SUPT3H: variants seen among roughly 807,000 people sequenced by gnomAD.
SUPT3H encodes the protein transcription initiation protein SPT3 homolog.
A neutral mutation model predicts 44.3 loss-of-function variants in SUPT3H; 44 were observed. The ratio of observed to expected loss-of-function variants is 0.99; its 90% confidence interval spans 0.78 to 1.28. The LOEUF (loss-of-function observed/expected upper bound fraction) is 1.28, where lower values mean the gene tolerates loss of function less well. Ranked by LOEUF, SUPT3H falls within the 50% of genes most tolerant of loss-of-function variation. The pLI, the probability that SUPT3H is intolerant of heterozygous loss-of-function variation, is 0.00. For synonymous variants in SUPT3H, 124 were observed against 125.6 expected (o/e 0.99, Z 0.09); for missense variants, 380 against 387.1 (o/e 0.98, Z 0.15).
intron 2 of SUPT3H, among the ~76,000 whole-genome samples, chr6:45,287,129 T>TA (rs1779439779): frequency 6.6e-6 from 1 of 151,966 alleles, no homozygotes; most frequent in African/African-American, 2.4e-5. Flanking sequence ...CATTAGGAGA[T>TA]ATACCTAATG....
At chr6:45,122,876 T>TG (rs1801871891) in intron 2 of SUPT3H, among the ~76,000 whole-genome samples, 1 of 152,148 alleles carries the variant, frequency 6.6e-6, no homozygotes, top group African/African-American at 2.4e-5. Flanking sequence ...ACACTGAAAA[T>TG]GAAAGGTGGA....
chr6:45,377,118 C>T (rs1193461555), intron 1 of SUPT3H, among the ~76,000 whole-genome samples: 2 of 152,060 alleles, frequency 1.3e-5, no homozygotes, highest in Non-Finnish European at 2.9e-5. Flanking sequence ...ATTCTGAACT[C>T]CTAAAACGTG....
chr6:44,952,532 G>A (rs995716735), intron 9 of SUPT3H, among the ~76,000 whole-genome samples: 9 of 152,136 alleles, frequency 5.9e-5, no homozygotes, highest in African/African-American at 1.4e-4. Context: ...GATCCAAAAC[G>A]TACTTCACAA....
downstream of SUPT3H, among the ~76,000 whole-genome samples, chr6:44,823,678 C>T (rs2153406411): frequency 6.6e-6 from 1 of 152,208 alleles, no homozygotes. Flanking sequence ...AACTGCTTGG[C>T]TGGCCAGGCA....
rs114926634 is a variant in SUPT3H, at chr6:45,273,294, G to A, written c.101+91907C>T. Among the ~76,000 whole-genome samples, 1,424 of 152,088 alleles carry A rather than the reference G, an allele frequency of 9.4e-3. 22 individuals carry two copies. Among genetic ancestry groups the A allele is most frequent in the African/African-American group, 0.033 (1,359 of 41,488 alleles). On this transcript the variant is annotated intron_variant, in intron 2 of 10. Coordinates refer to ENST00000371459, the MANE Select transcript of SUPT3H (RefSeq NM_003599.4). ...CCGCTGCTGTGGGTTTCACAGCATC[G>A]CCTCATCCCTTCATGAAATGAGACG...
intron 2 of SUPT3H, among the ~76,000 whole-genome samples, chr6:45,286,403 A>AAAAAC (rs1779279232): frequency 6.6e-6 from 1 of 151,272 alleles, no homozygotes; most frequent in Admixed American, 6.6e-5. Flanking sequence ...TTTACAAGAA[A>AAAAAC]AAACAACCCC....
At chr6:45,076,736 A>C (rs1161761788) in intron 3 of SUPT3H, among the ~76,000 whole-genome samples, 1 of 152,172 alleles carries the variant, frequency 6.6e-6, no homozygotes, top group Non-Finnish European at 1.5e-5. Context: ...CTACTGAGTA[A>C]CACTAATGAT....
chr6:45,183,335 C>T (rs546778981), intron 2 of SUPT3H, among the ~76,000 whole-genome samples: 15 of 152,140 alleles, frequency 9.9e-5, no homozygotes, highest in East Asian at 3.9e-4. Flanking sequence ...AAAGTAACTG[C>T]GGAATGTATA....
intron 2 of SUPT3H, among the ~76,000 whole-genome samples, chr6:45,206,969 G>T (rs1314373043): frequency 1.3e-5 from 2 of 152,230 alleles, no homozygotes; most frequent in Middle Eastern, 3.4e-3. Context: ...GCTCTATGTG[G>T]AGTAGTCAGA....
chr6:45,154,393 A>G (rs557689027), intron 2 of SUPT3H, among the ~76,000 whole-genome samples: 1 of 152,306 alleles, frequency 6.6e-6, no homozygotes, highest in East Asian at 1.9e-4. Context: ...AAGGTATCTT[A>G]TGCCAGTGTT....
chr6:45,156,285 T>A (rs1807805961), intron 2 of SUPT3H, among the ~76,000 whole-genome samples: 2 of 152,190 alleles, frequency 1.3e-5, no homozygotes, highest in Admixed American at 1.3e-4. Context: ...CTGGTTTTAC[T>A]CTTATCACAG....
intron 2 of SUPT3H, among the ~76,000 whole-genome samples, chr6:45,236,744 C>G (rs1280053915): frequency 2.0e-5 from 3 of 150,682 alleles, no homozygotes; most frequent in Admixed American, 2.0e-4. Context: ...GAATACACCC[C>G]CCGAGATCAA....
intron 2 of SUPT3H, among the ~76,000 whole-genome samples, chr6:45,334,753 T>C (rs907429973): frequency 1.1e-4 from 17 of 150,702 alleles, no homozygotes; most frequent in Non-Finnish European, 1.9e-4. Context: ...ATAATGATTA[T>C]AAACCAGGAA....
At chr6:45,182,136 G>A (rs1813368101) in intron 2 of SUPT3H, among the ~76,000 whole-genome samples, 1 of 152,112 alleles carries the variant, frequency 6.6e-6, no homozygotes, top group African/African-American at 2.4e-5. Context: ...AATAGAAGGA[G>A]CTGATGCCTG....
At chr6:45,229,306 T>C (rs1318147317) in intron 2 of SUPT3H, among the ~76,000 whole-genome samples, 1 of 152,144 alleles carries the variant, frequency 6.6e-6, no homozygotes, top group Non-Finnish European at 1.5e-5. Context: ...GTTATGTCTT[T>C]AAACTCATTC....
chr6:45,176,063 G>C (rs1236158875), intron 2 of SUPT3H, among the ~76,000 whole-genome samples: 2 of 152,092 alleles, frequency 1.3e-5, no homozygotes, highest in Non-Finnish European at 2.9e-5. Flanking sequence ...TATATCTTGG[G>C]GGGAGGAGCC....
chr6:44,949,874 C>G (rs557261337), intron 9 of SUPT3H, among the ~76,000 whole-genome samples: 1 of 152,320 alleles, frequency 6.6e-6, no homozygotes, highest in African/African-American at 2.4e-5. Flanking sequence ...GAAAAAAAGT[C>G]TGTTTCTTTA....
At chr6:44,994,920 T>G (rs1250049067) in intron 6 of SUPT3H, among the ~76,000 whole-genome samples, 1 of 151,868 alleles carries the variant, frequency 6.6e-6, no homozygotes, top group Non-Finnish European at 1.5e-5. Context: ...TTAATTTTGT[T>G]TGAATTGGTT....
chr6:45,088,774 A>T (rs1796784717), intron 3 of SUPT3H, among the ~76,000 whole-genome samples: 1 of 152,050 alleles, frequency 6.6e-6, no homozygotes, highest in Non-Finnish European at 1.5e-5. Flanking sequence ...CAGTATTTCT[A>T]TCAGTTTCTC....
Sources: gnomAD v4.1 joint callset for allele counts (sites outside exome capture counted in the v4.1 genomes callset) on GRCh38, gnomAD v4.1.1 for gene constraint, MANE v1.5 for transcripts, NCBI Gene and HGNC (gene_info 2026-07-23, HGNC 2026-07-21) for gene names.